CDKAL1: variants seen among roughly 807,000 people sequenced by gnomAD.
CDKAL1 encodes the protein CDKAL1 threonylcarbamoyladenosine tRNA methylthiotransferase, also known as threonylcarbamoyladenosine tRNA methylthiotransferase.
A neutral mutation model predicts 68.2 loss-of-function variants in CDKAL1; 32 were observed. That is an observed-to-expected ratio of 0.47 (90% CI 0.35 to 0.63). The LOEUF (loss-of-function observed/expected upper bound fraction) is 0.63, where lower values mean the gene tolerates loss of function less well. Among genes scored for constraint, CDKAL1 ranks in the 30% least tolerant of loss-of-function variants. The pLI, the probability that CDKAL1 is intolerant of heterozygous loss-of-function variation, is 0.00. For synonymous variants in CDKAL1, 234 were observed against 244.3 expected (o/e 0.96, Z 0.39); for missense variants, 606 against 696.7 (o/e 0.87, Z 1.47).
intron 4 of CDKAL1, among the ~76,000 whole-genome samples, chr6:20,568,441 T>A (rs977654265): frequency 6.6e-6 from 1 of 151,834 alleles, no homozygotes; most frequent in African/African-American, 2.4e-5. Flanking sequence ...AAGTACTATA[T>A]TAAGAAATGT....
chr6:21,206,909 G>T (rs560653346), intron 15 of CDKAL1, among the ~76,000 whole-genome samples: 19 of 149,106 alleles, frequency 1.3e-4, no homozygotes, highest in Non-Finnish European at 2.1e-4. Flanking sequence ...CTTTTATTTT[G>T]ATTTCTTTTA....
intron 11 of CDKAL1, among the ~76,000 whole-genome samples, chr6:21,015,407 G>A (rs537640370): frequency 1.3e-5 from 2 of 152,178 alleles, no homozygotes; most frequent in South Asian, 4.1e-4. Context: ...CTTTTTTATA[G>A]AAAATACTAT....
At chr6:21,144,736 G>T (rs1776082471) in intron 13 of CDKAL1, among the ~76,000 whole-genome samples, 1 of 151,958 alleles carries the variant, frequency 6.6e-6, no homozygotes, top group Non-Finnish European at 1.5e-5. Context: ...GGAGGTGGAG[G>T]CTGCAGTGAG....
intron 12 of CDKAL1, among the ~76,000 whole-genome samples, chr6:21,106,954 T>TA (rs1773877100): frequency 6.6e-6 from 1 of 150,696 alleles, no homozygotes; most frequent in Non-Finnish European, 1.5e-5. Context: ...TTTTTTTTTT[T>TA]TTTTTGAGAT....
At chr6:20,994,559 G>T (rs1368266108) in intron 10 of CDKAL1, among the ~76,000 whole-genome samples, 1 of 152,154 alleles carries the variant, frequency 6.6e-6, no homozygotes, top group African/African-American at 2.4e-5. Context: ...CCATGATGGG[G>T]CTACCTTTAT....
intron 13 of CDKAL1, among the ~76,000 whole-genome samples, chr6:21,144,794 C>A (rs1776085935): frequency 6.6e-6 from 1 of 152,066 alleles, no homozygotes; most frequent in Non-Finnish European, 1.5e-5. Flanking sequence ...CACAGTGAGA[C>A]TGACCTTGTC....
chr6:20,635,740 T>C (rs1396404199), intron 4 of CDKAL1, among the ~76,000 whole-genome samples: 2 of 152,212 alleles, frequency 1.3e-5, no homozygotes, highest in Non-Finnish European at 2.9e-5. Context: ...AAGATTTTCC[T>C]CTATCCTCTT....
rs7763249 is a variant in CDKAL1 at position 21,226,290 on chromosome 6, T to G, written c.1549-4558T>G. On this transcript the variant is annotated intron_variant, in intron 15 of 15. Coordinates refer to ENST00000274695, the MANE Select transcript of CDKAL1 (RefSeq NM_017774.3). ...AAAGTTTCTGAACATGAAAGTTTTTTTTTTTTTTTTTTGAAATTTTGGTAT... is the reference window on the plus strand; with the variant it reads ...AAAGTTTCTGAACATGAAAGTTTTTGTTTTTTTTTTTTGAAATTTTGGTAT... Among the ~76,000 whole-genome samples the G allele has an allele frequency of 6.7e-3, 919 of 137,308 alleles. 9 individuals carry two copies. Among genetic ancestry groups the G allele is most frequent in the South Asian group, 0.036 (153 of 4,282 alleles). The allele number at this position is 137,308 out of a possible 152,430, so 90.1% of individuals were successfully genotyped here. A position where few individuals can be genotyped will look rare whatever the true frequency, so the allele number is the denominator to read the frequency against.
At chr6:20,916,853 T>TAATATACACTGTGTA (rs1762743956) in intron 9 of CDKAL1, among the ~76,000 whole-genome samples, 1 of 152,074 alleles carries the variant, frequency 6.6e-6, no homozygotes, top group Admixed American at 6.6e-5. Context: ...TAAAACTACC[T>TAATATACACTGTGTA]TAGGACTAAA....
At position 20,913,116 on chromosome 6, in the gene CDKAL1, TACACACACACAC is replaced by T. The variant is rs70990080; in HGVS notation, c.743-42271_743-42260del. ...ATAGAACCATTGAACCACAGTTGTT[TACACACACACAC>T]ACACACACACACACACACACACACA... On this transcript the variant is annotated intron_variant, in intron 9 of 15. Coordinates refer to ENST00000274695, the MANE Select transcript of CDKAL1 (RefSeq NM_017774.3). Among the ~76,000 whole-genome samples the T allele has an allele frequency of 1.7e-3, 229 of 136,536 alleles. 1 individual carries two copies. Among genetic ancestry groups the T allele is most frequent in the East Asian group, 5.3e-3 (26 of 4,874 alleles). 89.6% of individuals were successfully genotyped at this position (136,536 alleles called of 152,430 possible).
chr6:21,135,328 G>A (rs559149950), intron 13 of CDKAL1, among the ~76,000 whole-genome samples: 1 of 152,244 alleles, frequency 6.6e-6, no homozygotes, highest in Admixed American at 6.5e-5. Flanking sequence ...AGGGTCACAT[G>A]AGATAATGCA....
intron 12 of CDKAL1, among the ~76,000 whole-genome samples, chr6:21,070,833 C>G (rs781632760): frequency 2.0e-5 from 3 of 152,156 alleles, no homozygotes; most frequent in Non-Finnish European, 4.4e-5. Flanking sequence ...GGGCCAACAT[C>G]CACAGAAATT....
At chr6:20,730,716 G>T (rs1051772635) in intron 5 of CDKAL1, among the ~76,000 whole-genome samples, 27 of 151,736 alleles carry the variant, frequency 1.8e-4, no homozygotes, top group Non-Finnish European at 4.4e-5. Flanking sequence ...GTGGTGGCAC[G>T]TGCCTGTAAT....
At chr6:20,736,117 C>T (rs1402716226) in intron 5 of CDKAL1, among the ~76,000 whole-genome samples, 1 of 143,764 alleles carries the variant, frequency 7.0e-6, no homozygotes, top group Non-Finnish European at 1.5e-5. Context: ...ACCAGTGGAA[C>T]AACTATTTCT....
intron 13 of CDKAL1, among the ~76,000 whole-genome samples, chr6:21,137,803 T>C (rs1775688192): frequency 6.6e-6 from 1 of 152,178 alleles, no homozygotes; most frequent in Non-Finnish European, 1.5e-5. Flanking sequence ...CAGAATCAAA[T>C]AACTTATAAG....
intron 4 of CDKAL1, among the ~76,000 whole-genome samples, chr6:20,577,632 T>G (rs2127685468): frequency 6.6e-6 from 1 of 152,356 alleles, no homozygotes; most frequent in East Asian, 1.9e-4. Context: ...TACAATTCTT[T>G]TCTCAAAATA....
chr6:20,773,556 A>AT (rs58828383), intron 7 of CDKAL1, among the ~76,000 whole-genome samples: 74 of 150,478 alleles, frequency 4.9e-4, no homozygotes, highest in South Asian at 2.1e-3. Flanking sequence ...TTTTATTTTT[A>AT]TTTTTTTTTG....
chr6:21,213,301 C>T (rs1232458269), intron 15 of CDKAL1, among the ~76,000 whole-genome samples: 1 of 152,090 alleles, frequency 6.6e-6, no homozygotes, highest in Non-Finnish European at 1.5e-5. Flanking sequence ...TAGAAGTGAT[C>T]AGTGAATATG....
rs752461354 is a variant in CDKAL1, at chr6:21,231,023, T to G, written c.1724T>G (p.Val575Gly). The G allele has an allele frequency of 6.2e-7, 1 of 1,606,718 alleles. No individual in the cohort carries two copies. Among genetic ancestry groups the G allele is most frequent in the Non-Finnish European group, 8.5e-7 (1 of 1,175,038 alleles). Residue 575 changes from valine (V) to glycine (G), a missense_variant, in exon 16 of 16, where the codon GTC becomes GGC. Coordinates refer to ENST00000274695, the MANE Select transcript of CDKAL1 (RefSeq NM_017774.3). ...CTGGGTCTTCTTTTTGCTTTTTTTG[T>G]CAAGGTCTATAATTAGAATACAACT... ...ALLGLLFAFF[V>G]KVYN
Sources: gnomAD v4.1 joint callset for allele counts (sites outside exome capture counted in the v4.1 genomes callset) on GRCh38, gnomAD v4.1.1 for gene constraint, MANE v1.5 for transcripts, NCBI Gene and HGNC (gene_info 2026-07-23, HGNC 2026-07-21) for gene names.